Variants in CASP4 observed in about 807,000 individuals in gnomAD.
CASP4 encodes the protein caspase 4.
CASP4 carries 29 observed loss-of-function variants against 41.3 expected under a neutral mutation model. That is an observed-to-expected ratio of 0.70 (90% CI 0.52 to 0.96). The LOEUF (loss-of-function observed/expected upper bound fraction) is 0.96, where lower values mean the gene tolerates loss of function less well. Among genes scored for constraint, CASP4 ranks in the 40% least tolerant of loss-of-function variants. The pLI is 0.00. For missense variants in CASP4, 447 were observed against 460.6 expected (o/e 0.97, Z 0.27); for synonymous variants, 185 against 158.4 (o/e 1.17, Z -1.26).
chr11:104,965,828 T>TA (rs1241686105), intron 1 of CASP4, among the ~76,000 whole-genome samples: 1 of 152,174 alleles, frequency 6.6e-6, no homozygotes, highest in Non-Finnish European at 1.5e-5. Flanking sequence ...TATCACTTTA[T>TA]AAAATCTAAT....
Position 104,951,885 on chromosome 11 carries a change from T to G in CASP4, c.372+11A>C, listed in dbSNP as rs767355705. ...TTCTTTTTTTTCTATTTCATATAGA[T>G]AGCATAGCACCTCTTCAGCTCTTTC... On this transcript the variant is annotated intron_variant, in intron 3 of 8. Transcript: ENST00000444739. 6.5e-7 allele frequency: 1 copy of G among 1,530,068 alleles called. No individual in the cohort carries two copies. Among genetic ancestry groups the G allele is most frequent in the Non-Finnish European group, 9.1e-7 (1 of 1,104,428 alleles). 94.8% of individuals were successfully genotyped at this position (1,530,068 alleles called of 1,614,324 possible). A position where few individuals can be genotyped will look rare whatever the true frequency, so the allele number is the denominator to read the frequency against.
At chr11:104,944,697 T>C in intron 8 of CASP4, 51 bp downstream of exon 8, 1 of 1,169,714 alleles carries the variant, frequency 8.5e-7, no homozygotes, top group Non-Finnish European at 1.3e-6. Flanking sequence ...TAACCACCAA[T>C]ATCACTCTCT....
chr11:104,953,578 T>C (rs557341576), intron 2 of CASP4, among the ~76,000 whole-genome samples: 55 of 152,306 alleles, frequency 3.6e-4, no homozygotes, highest in African/African-American at 1.3e-3. Context: ...TGGACAACTA[T>C]CATACTATCA....
rs368808573 is a variant in CASP4 at position 104,945,577 on chromosome 11, C to T, written c.1036-726G>A. ...AGCCCCAGTATCTTATCTTTAAGAC[C>T]CAAACACTGAACAACTTTCATATCT... On this transcript the variant is annotated intron_variant, in intron 7 of 8. Transcript: ENST00000444739. 1.2e-4 allele frequency among the ~76,000 whole-genome samples: 18 copies of T among 152,074 alleles called. No individual in the cohort carries two copies. In the East Asian group the frequency reaches 3.3e-3, roughly 28 times the overall value.
intron 4 of CASP4, among the ~76,000 whole-genome samples, chr11:104,950,325 C>G (rs1350397291): frequency 6.6e-6 from 1 of 152,138 alleles, no homozygotes; most frequent in African/African-American, 2.4e-5. Context: ...CCATCTCCAA[C>G]CAACCCAAAA....
chr11:104,949,415 C>T, intron 5 of CASP4, 128 bp downstream of exon 5: 1 of 990,032 alleles, frequency 1.0e-6, no homozygotes, highest in Non-Finnish European at 1.5e-6. Context: ...GGTAGAGTTT[C>T]TTTAGAATTC....
chr11:104,949,941 T>A (rs1249926283), intron 4 of CASP4, among the ~76,000 whole-genome samples, 164 bp from the exon 5 acceptor site: 1 of 152,166 alleles, frequency 6.6e-6, no homozygotes. Flanking sequence ...TTATTTTTCC[T>A]TCTTTATGGG....
At position 104,959,542 on chromosome 11, in the gene CASP4, T is replaced by G. The variant is rs78510930; in HGVS notation, c.8-4541A>C. Reference sequence around the variant, plus strand: ...ATGCTTAAAAGAATAAATAAATCATTCTCAAATTTATGGATTCAGCCCAGA... The same window carrying G: ...ATGCTTAAAAGAATAAATAAATCATGCTCAAATTTATGGATTCAGCCCAGA... On this transcript the variant is annotated intron_variant, in intron 1 of 8. Transcript: ENST00000444739. 5.7e-3 allele frequency among the ~76,000 whole-genome samples: 867 copies of G among 152,272 alleles called. 9 individuals carry two copies. The highest frequency in any genetic ancestry group is 0.02 in the African/African-American group (818 of 41,564).
chr11:104,945,538 G>A (rs1860437695), intron 7 of CASP4, among the ~76,000 whole-genome samples: 1 of 152,208 alleles, frequency 6.6e-6, no homozygotes, highest in South Asian at 2.1e-4. Flanking sequence ...TTACAGGCGT[G>A]AGCCACCGTG....
chr11:104,953,868 A>G (rs933744847), intron 2 of CASP4, among the ~76,000 whole-genome samples: 4 of 152,166 alleles, frequency 2.6e-5, no homozygotes, highest in African/African-American at 9.7e-5. Context: ...AAAATTTTAG[A>G]CATTTTATGG....
chr11:104,962,385 A>C (rs1860880417), intron 1 of CASP4, among the ~76,000 whole-genome samples: 1 of 152,170 alleles, frequency 6.6e-6, no homozygotes, highest in Non-Finnish European at 1.5e-5. Flanking sequence ...TTTCTCTGTA[A>C]AGTTTTGATT....
rs368505131 is a variant in CASP4, at chr11:104,951,936, T to C, written c.332A>G (p.His111Arg). The C allele has an allele frequency of 1.5e-5, 24 of 1,612,810 alleles. No homozygotes were observed. Among genetic ancestry groups the C allele is most frequent in the African/African-American group, 2.7e-5 (2 of 74,854 alleles). The change falls in exon 3 of 9, where the codon CAT (histidine) becomes CGT (arginine). Residue 111 changes from histidine to arginine, a missense_variant. Coordinates refer to ENST00000444739, the MANE Select transcript of CASP4 (RefSeq NM_001225.4). ...ESTDALKLCP[H>R]EEFLRLCKER... is the part of the protein sequence containing the mutation. Reference sequence around the variant, plus strand: ...TTTACATAGTCTCAGGAATTCTTCATGAGGACAAAGCTTGAGGGCATCTGT... The same window carrying C: ...TTTACATAGTCTCAGGAATTCTTCACGAGGACAAAGCTTGAGGGCATCTGT...
chr11:104,959,568 T>C (rs1387104658), intron 1 of CASP4, among the ~76,000 whole-genome samples: 3 of 152,214 alleles, frequency 2.0e-5, no homozygotes, highest in East Asian at 1.9e-4. Flanking sequence ...TCAGCCCAGA[T>C]GTGGATGTCG....
chr11:104,949,101 C>G (rs1183572415), intron 5 of CASP4: 1 of 245,278 alleles, frequency 4.1e-6, no homozygotes, highest in Non-Finnish European at 8.0e-6. Context: ...CTGCAACATT[C>G]TACAGTCCCC....
intron 1 of CASP4, among the ~76,000 whole-genome samples, chr11:104,957,177 C>G (rs911510339): frequency 5.3e-5 from 8 of 151,970 alleles, no homozygotes; most frequent in Non-Finnish European, 1.0e-4. Context: ...CACCAAAAAT[C>G]TTTTAGAACA....
At chr11:104,956,988 T>C (rs1860751123) in intron 1 of CASP4, among the ~76,000 whole-genome samples, 1 of 152,092 alleles carries the variant, frequency 6.6e-6, no homozygotes, top group Non-Finnish European at 1.5e-5. Flanking sequence ...GAAAACCCTT[T>C]CTCTAAGATC....
chr11:104,952,820 GT>G (rs1289484416), intron 2 of CASP4, among the ~76,000 whole-genome samples: 2 of 152,180 alleles, frequency 1.3e-5, no homozygotes, highest in African/African-American at 4.8e-5. Context: ...GTAACAAGTT[GT>G]AAGAGTGTGT....
intron 1 of CASP4, among the ~76,000 whole-genome samples, chr11:104,960,003 T>C (rs1860822815): frequency 6.6e-6 from 1 of 152,234 alleles, no homozygotes; most frequent in Non-Finnish European, 1.5e-5. Context: ...GATTTGACCA[T>C]GAAAACTTTC....
In CASP4 at chr11:104,948,721, A is replaced by G. The variant is rs368269212; in HGVS notation, c.782-45T>C. On this transcript the variant is annotated intron_variant, in intron 5 of 8. Coordinates refer to ENST00000444739, the MANE Select transcript of CASP4 (RefSeq NM_001225.4). The stretch of plus-strand genomic sequence containing the variant: ...CTGCACACTGCTGTGCCTCCCACAG[A>G]ATGGCTGTCACAGTTGCCCACCTTG... The G allele has an allele frequency of 1.6e-5, 24 of 1,518,304 alleles. 1 individual carries two copies. In the African/African-American group the frequency reaches 1.7e-4, roughly 10 times the overall value. 94.1% of individuals were successfully genotyped at this position (1,518,304 alleles called of 1,614,324 possible).
Sources: allele counts gnomAD v4.1 joint callset (sites outside exome capture counted in the v4.1 genomes callset), GRCh38; gene constraint gnomAD v4.1.1; transcripts MANE v1.5; gene names NCBI Gene and HGNC (gene_info 2026-07-23, HGNC 2026-07-21).